Variants in CTNND1 observed in about 807,000 individuals in gnomAD.
The protein encoded by CTNND1 is catenin delta 1, also known as catenin delta-1.
CTNND1 carries 16 observed loss-of-function variants against 112.1 expected under a neutral mutation model. The observed-to-expected ratio is 0.14, with a 90% CI of 0.10 to 0.22. The LOEUF is 0.22. CTNND1 is among the 10% of genes least tolerant of loss of function. The probability of loss-of-function intolerance (pLI) is 1.00; values close to 1 mark genes in which losing one functional copy is unlikely to be tolerated. For missense variants in CTNND1, 1,008 were observed against 1,257.0 expected (o/e 0.80, Z 3.00); for synonymous variants, 420 against 446.5 (o/e 0.94, Z 0.75).
intron 1 of CTNND1, among the ~76,000 whole-genome samples, chr11:57,763,428 A>G (rs1408415050): frequency 6.6e-6 from 1 of 152,176 alleles, no homozygotes; most frequent in African/African-American, 2.4e-5. Context: ...AAATTTTTTT[A>G]AGACTAGACT....
chr11:57,784,679 T>G (rs1472669953), intron 1 of CTNND1, among the ~76,000 whole-genome samples: 1 of 152,110 alleles, frequency 6.6e-6, no homozygotes, highest in Non-Finnish European at 1.5e-5. Flanking sequence ...AATTTTTTTG[T>G]ATTTTAAGTA....
intron 1 of CTNND1, among the ~76,000 whole-genome samples, chr11:57,780,784 T>G (rs2059491597): frequency 6.6e-6 from 1 of 152,252 alleles, no homozygotes; most frequent in Admixed American, 6.5e-5. Context: ...ATGAAAAGAA[T>G]GCCTTATTGG....
intron 4 of CTNND1, among the ~76,000 whole-genome samples, chr11:57,794,521 C>A (rs1270086565): frequency 6.6e-6 from 1 of 151,866 alleles, no homozygotes. Context: ...CATGGTGGCT[C>A]ATGCCTGTAA....
At chr11:57,800,842 AAT>A (rs2061948443) in intron 6 of CTNND1, among the ~76,000 whole-genome samples, 1 of 152,200 alleles carries the variant, frequency 6.6e-6, no homozygotes, top group South Asian at 2.1e-4. Context: ...ACGAATAAAT[AAT>A]AGTGTGACAG....
intron 1 of CTNND1, among the ~76,000 whole-genome samples, chr11:57,783,383 A>G (rs1358610212): frequency 6.6e-6 from 1 of 150,962 alleles, no homozygotes; most frequent in Non-Finnish European, 1.5e-5. Flanking sequence ...GAAGCCATAG[A>G]AAGGCCGGGC....
At chr11:57,765,720 G>A (rs575014049) in intron 1 of CTNND1, among the ~76,000 whole-genome samples, 2 of 152,038 alleles carry the variant, frequency 1.3e-5, no homozygotes, top group South Asian at 4.2e-4. Context: ...CTCCTACCTC[G>A]GCCTCCTAAA....
intron 1 of CTNND1, among the ~76,000 whole-genome samples, chr11:57,770,660 T>TA: frequency 6.7e-6 from 1 of 150,024 alleles, no homozygotes; most frequent in South Asian, 2.1e-4. Flanking sequence ...TCAAAAAAAA[T>TA]AAAAAAATAA....
At chr11:57,783,291 A>G (rs1195042277) in intron 1 of CTNND1, among the ~76,000 whole-genome samples, 3 of 151,646 alleles carry the variant, frequency 2.0e-5, no homozygotes, top group Non-Finnish European at 4.4e-5. Flanking sequence ...AAAACAAACA[A>G]ACAAACAAAA....
At chr11:57,796,421 T>C (rs781710582) in intron 5 of CTNND1, 36 bp from the exon 6 acceptor site, 1 of 1,534,484 alleles carries the variant, frequency 6.5e-7, no homozygotes, top group Non-Finnish European at 8.8e-7. Flanking sequence ...CTCACTTCCT[T>C]AATTAGTTTT....
At chr11:57,772,808 C>G (rs976296346) in intron 1 of CTNND1, among the ~76,000 whole-genome samples, 1 of 152,226 alleles carries the variant, frequency 6.6e-6, no homozygotes, top group East Asian at 1.9e-4. Context: ...CTCTCTCTCT[C>G]TCTGTCTCGC....
At chr11:57,775,870 T>C (rs1488085945) in intron 1 of CTNND1, among the ~76,000 whole-genome samples, 1 of 152,194 alleles carries the variant, frequency 6.6e-6, no homozygotes, top group Non-Finnish European at 1.5e-5. Flanking sequence ...TCCTTGTTCT[T>C]ATATGGGAGC....
intron 1 of CTNND1, among the ~76,000 whole-genome samples, chr11:57,785,636 G>A (rs918407710): frequency 1.3e-5 from 2 of 151,760 alleles, no homozygotes; most frequent in Admixed American, 1.3e-4. Context: ...TGCAACCTCC[G>A]CCTCCCGGGT....
chr11:57,796,302 C>T (rs1336424831), intron 5 of CTNND1, among the ~76,000 whole-genome samples, 155 bp from the exon 6 acceptor site: 4 of 151,526 alleles, frequency 2.6e-5, no homozygotes, highest in South Asian at 2.1e-4. Context: ...AGGAGAATTG[C>T]GTGAACCTGG....
chr11:57,804,814 A>C (rs765294247), intron 9 of CTNND1, 34 bp downstream of exon 9: 2 of 1,475,326 alleles, frequency 1.4e-6, no homozygotes, highest in Non-Finnish European at 1.9e-6. Context: ...GGCTGAGTGA[A>C]TTTCATTCAC....
intron 20 of CTNND1, 55 bp from the exon 21 acceptor site, chr11:57,816,242 G>GT (rs1248093350): frequency 6.2e-7 from 1 of 1,609,030 alleles, no homozygotes; most frequent in African/African-American, 1.3e-5. Flanking sequence ...TTTTGGGGGG[G>GT]GTCTCCTTAA....
chr11:57,797,083 CAG>C, intron 6 of CTNND1, 91 bp downstream of exon 6: 2 of 1,173,034 alleles, frequency 1.7e-6, no homozygotes, highest in Non-Finnish European at 2.2e-6. Context: ...TTTTTGGGAT[CAG>C]AGATACTCGT....
rs1950550364 is a variant in CTNND1, at chr11:57,764,267, G to A, written c.-214+2148G>A. ...GGGGCGGTTCTCTTTTAGGTGGTTG[G>A]AGTTCTAGTACCTTTCTCAGGGTTC... On this transcript the variant is annotated intron_variant, in intron 1 of 20. Coordinates refer to ENST00000399050, the MANE Select transcript of CTNND1 (RefSeq NM_001085458.2). 3.3e-5 allele frequency: 5 copies of A among 152,236 alleles called. No individual in the cohort carries two copies. The South Asian group carries it at 8.3e-4, about 25-fold the overall frequency. 9.4% of individuals were successfully genotyped at this position (152,236 alleles called of 1,614,324 possible).
intron 20 of CTNND1, 83 bp downstream of exon 20, chr11:57,816,084 ATCAGGCCAGAGACTAAGTAGTC>A: frequency 1.6e-6 from 2 of 1,284,556 alleles, no homozygotes; most frequent in Admixed American, 2.5e-5. Context: ...CGCTAATCTG[ATCAGGCCAGAGACTAAGTAGTC>A]TCAGCCACAT....
intron 14 of CTNND1, 68 bp downstream of exon 14, chr11:57,808,608 ATAAT>A (rs1381838704): frequency 2.2e-6 from 3 of 1,394,972 alleles, no homozygotes; most frequent in South Asian, 1.9e-5. Flanking sequence ...CAGGTGCCTA[ATAAT>A]TTATTGAATT....
Sources: gnomAD v4.1 joint callset for allele counts (sites outside exome capture counted in the v4.1 genomes callset) on GRCh38, gnomAD v4.1.1 for gene constraint, MANE v1.5 for transcripts, NCBI Gene and HGNC (gene_info 2026-07-23, HGNC 2026-07-21) for gene names.